The following SLC24A2 variants were observed in gnomAD, a reference collection of about 807,000 sequenced individuals.
SLC24A2 encodes solute carrier family 24 member 2.
Under a neutral mutation model 62.0 loss-of-function variants are expected in SLC24A2, and 36 were observed. That is an observed-to-expected ratio of 0.58 (90% CI 0.44 to 0.77). SLC24A2 has a LOEUF of 0.77. SLC24A2 is among the 30% of genes least tolerant of loss of function. The pLI, the probability that SLC24A2 is intolerant of heterozygous loss-of-function variation, is 0.00. For synonymous variants in SLC24A2, 358 were observed against 294.0 expected (o/e 1.22, Z -2.23); for missense variants, 846 against 817.9 (o/e 1.03, Z -0.42).
At chr9:19,517,685 GT>G (rs1304066310) in intron 10 of SLC24A2, among the ~76,000 whole-genome samples, 1 of 152,080 alleles carries the variant, frequency 6.6e-6, no homozygotes, top group Non-Finnish European at 1.5e-5. Context: ...CTGTGAACTT[GT>G]TGGGGAGGGG....
chr9:19,547,087 C>T (rs56788476), intron 8 of SLC24A2, among the ~76,000 whole-genome samples: 13,778 of 152,218 alleles, frequency 0.091, 2,006 homozygotes, highest in African/African-American at 0.31. Context: ...TTGCCAGCAA[C>T]CCTGTCTTTA....
the SLC24A2 span, among the ~76,000 whole-genome samples, chr9:20,180,326 T>G: frequency 6.6e-6 from 1 of 152,298 alleles, no homozygotes; most frequent in South Asian, 2.1e-4. Flanking sequence ...TAGATATTGG[T>G]TATTATCTCT....
At chr9:20,168,865 C>A in the SLC24A2 span, among the ~76,000 whole-genome samples, 2 of 152,120 alleles carry the variant, frequency 1.3e-5, no homozygotes, top group East Asian at 3.9e-4. Flanking sequence ...TATCCCAAAA[C>A]AATTGAAACC....
At chr9:19,814,900 G>T in the SLC24A2 span, among the ~76,000 whole-genome samples, 9 of 152,168 alleles carry the variant, frequency 5.9e-5, no homozygotes, top group African/African-American at 2.2e-4. Flanking sequence ...GATGAACACT[G>T]AAAAGATAAT....
At chr9:19,969,096 C>G in the SLC24A2 span, among the ~76,000 whole-genome samples, 1 of 151,476 alleles carries the variant, frequency 6.6e-6, no homozygotes, top group Non-Finnish European at 1.5e-5. Context: ...TTCAGCTTCT[C>G]TAAGGCTTCT....
At chr9:20,209,620 C>G in the SLC24A2 span, among the ~76,000 whole-genome samples, 1 of 152,188 alleles carries the variant, frequency 6.6e-6, no homozygotes, top group African/African-American at 2.4e-5. Context: ...AGAGCTTTCA[C>G]AAGTCCTCAT....
intron 2 of SLC24A2, among the ~76,000 whole-genome samples, chr9:19,626,931 A>G (rs1161510980): frequency 6.6e-6 from 1 of 152,112 alleles, no homozygotes; most frequent in Non-Finnish European, 1.5e-5. Flanking sequence ...ACACCCTACT[A>G]CCTCTTAGTC....
chr9:20,063,349 G>A, the SLC24A2 span, among the ~76,000 whole-genome samples: 3 of 150,522 alleles, frequency 2.0e-5, no homozygotes, highest in Admixed American at 2.0e-4. Flanking sequence ...GTAGGGACGT[G>A]GATGAAATCG....
the SLC24A2 span, among the ~76,000 whole-genome samples, chr9:19,859,577 A>T: frequency 9.2e-5 from 14 of 152,230 alleles, no homozygotes; most frequent in Non-Finnish European, 8.8e-5. Flanking sequence ...GCCCCCTGCA[A>T]GCACACCAAA....
intron 3 of SLC24A2, among the ~76,000 whole-genome samples, chr9:19,620,457 C>G (rs1463560763): frequency 6.6e-6 from 1 of 152,178 alleles, no homozygotes; most frequent in Non-Finnish European, 1.5e-5. Context: ...ACCATGAGAA[C>G]TCTCCCGACT....
intron 2 of SLC24A2, among the ~76,000 whole-genome samples, chr9:19,659,649 C>T (rs1819038997): frequency 6.6e-6 from 1 of 152,096 alleles, no homozygotes; most frequent in African/African-American, 2.4e-5. Flanking sequence ...TGCCATTTAA[C>T]CTGACGACTA....
the SLC24A2 span, among the ~76,000 whole-genome samples, chr9:19,959,759 T>C: frequency 1.3e-5 from 2 of 152,194 alleles, no homozygotes; most frequent in Admixed American, 1.3e-4. Context: ...AACTTAACAA[T>C]TGCTGGTACT....
the SLC24A2 span, among the ~76,000 whole-genome samples, chr9:20,257,773 C>T: frequency 2.6e-5 from 4 of 152,268 alleles, no homozygotes; most frequent in Admixed American, 6.5e-5. Flanking sequence ...TGGAAATGAC[C>T]TGGCACATAG....
At chr9:19,998,597 C>T in the SLC24A2 span, among the ~76,000 whole-genome samples, 12 of 152,310 alleles carry the variant, frequency 7.9e-5, no homozygotes, top group South Asian at 6.2e-4. Flanking sequence ...AAGCAGGCCC[C>T]GCTTCCTATG....
chr9:19,588,178 C>CTTTTTT (rs3085622), intron 5 of SLC24A2, among the ~76,000 whole-genome samples: 5 of 121,692 alleles, frequency 4.1e-5, no homozygotes, highest in African/African-American at 9.3e-5. Flanking sequence ...TTCTTTTTTT[C>CTTTTTT]TTTTTTTTTT....
intron 2 of SLC24A2, among the ~76,000 whole-genome samples, chr9:19,647,490 T>C (rs1013756545): frequency 2.0e-5 from 3 of 152,168 alleles, no homozygotes; most frequent in Admixed American, 6.5e-5. Context: ...GTGGCAGGTG[T>C]CCCTGACACA....
At chr9:20,220,468 C>G in the SLC24A2 span, among the ~76,000 whole-genome samples, 3 of 152,120 alleles carry the variant, frequency 2.0e-5, no homozygotes, top group Admixed American at 2.0e-4. Context: ...ATGGCCTGAC[C>G]ACTTCCTGGA....
At chr9:19,775,107 C>G (rs1822807171) in intron 2 of SLC24A2, among the ~76,000 whole-genome samples, 1 of 152,174 alleles carries the variant, frequency 6.6e-6, no homozygotes, top group Admixed American at 6.5e-5. Context: ...GTGACTGCAC[C>G]CTTTAAAACT....
chr9:19,899,818 T>G, the SLC24A2 span, among the ~76,000 whole-genome samples: 1 of 152,128 alleles, frequency 6.6e-6, no homozygotes, highest in Non-Finnish European at 1.5e-5. Flanking sequence ...AAAAGCCCCT[T>G]ATAAAACCAT....
Sources: allele counts gnomAD v4.1 joint callset (sites outside exome capture counted in the v4.1 genomes callset), GRCh38; gene constraint gnomAD v4.1.1; transcripts MANE v1.5; gene names NCBI Gene and HGNC (gene_info 2026-07-23, HGNC 2026-07-21).